CHD2: variants seen among roughly 807,000 people sequenced by gnomAD.
CHD2 encodes the protein chromodomain helicase DNA binding protein 2, also known as ATP-dependent chromatin remodeler CHD2.
In CHD2, 28 loss-of-function variants were observed where a neutral mutation model predicts 243.9. The observed-to-expected ratio is 0.11, with a 90% CI of 0.09 to 0.16. The LOEUF is 0.16. Ranked by LOEUF, CHD2 falls within the 10% of genes least tolerant of loss-of-function variation. CHD2 has a pLI of 1.00. For missense variants in CHD2, 1,386 were observed against 2,209.8 expected (o/e 0.63, Z 7.47); for synonymous variants, 775 against 779.0 (o/e 0.99, Z 0.09).
chr15:92,969,589 G>A (rs1177386962), intron 17 of CHD2, among the ~76,000 whole-genome samples: 2 of 152,178 alleles, frequency 1.3e-5, no homozygotes, highest in Admixed American at 6.5e-5. Context: ...GGCCCTAGGG[G>A]TGCTCTTTGC....
intron 38 of CHD2, 115 bp downstream of exon 38, chr15:93,020,373 T>C (rs1322236435): frequency 4.5e-6 from 6 of 1,328,194 alleles, no homozygotes; most frequent in East Asian, 2.4e-5. Flanking sequence ...GATCTCATCA[T>C]GCATGTGTCA....
intron 34 of CHD2, among the ~76,000 whole-genome samples, chr15:93,006,252 G>C (rs1434149215): frequency 6.6e-6 from 1 of 150,700 alleles, no homozygotes; most frequent in Admixed American, 6.7e-5. Context: ...TCAGCCTCCT[G>C]AGTAGCTGGG....
At chr15:92,935,022 T>C (rs1316714831) in intron 5 of CHD2, among the ~76,000 whole-genome samples, 4 of 150,474 alleles carry the variant, frequency 2.7e-5, no homozygotes, top group Admixed American at 1.4e-4. Context: ...TAAGTTTTTT[T>C]TTTCTTTCTT....
chr15:93,007,839 T>C (rs1250095797), intron 34 of CHD2, among the ~76,000 whole-genome samples: 2 of 152,268 alleles, frequency 1.3e-5, no homozygotes, highest in Admixed American at 6.5e-5. Flanking sequence ...GCTTCAACTT[T>C]GTTTCACATT....
In CHD2 at chr15:92,942,980, G is replaced by A; in HGVS notation, c.964G>A (p.Glu322Lys). The A allele has an allele frequency of 6.2e-7, 1 of 1,614,098 alleles. No homozygotes were observed. The highest frequency in any genetic ancestry group is 8.5e-7 in the Non-Finnish European group (1 of 1,179,978). ...KGWSYIHSTW[E>K]SEESLQQQKV... The stretch of plus-strand genomic sequence containing the variant: ...TTGGTCTTACATCCACAGCACATGG[G>A]AGAGTGAAGAATCCTTACAGCAACA... Residue 322 changes from glutamate (E) to lysine (K), a missense_variant, in exon 9 of 39, where the codon GAG becomes AAG. Glu to Lys is a moderately conservative substitution (Grantham distance 56). Around this residue, in one of 19 missense-constraint regions of CHD2, gnomAD observed 200 missense variants for 292.5 expected, o/e 0.68. Coordinates refer to ENST00000394196, the MANE Select transcript of CHD2 (RefSeq NM_001271.4).
chr15:92,904,497 A>T, intron 2 of CHD2: 1 of 990,374 alleles, frequency 1.0e-6, no homozygotes. Context: ...CGAGGGGAAA[A>T]GGAAGGGAAC....
At chr15:92,934,406 T>C (rs777257433) in intron 5 of CHD2, among the ~76,000 whole-genome samples, 11 of 134,240 alleles carry the variant, frequency 8.2e-5, no homozygotes, top group African/African-American at 1.5e-4. Flanking sequence ...AGTTGAATTA[T>C]GTGTTTTTAC....
intron 20 of CHD2, among the ~76,000 whole-genome samples, chr15:92,976,839 C>T (rs1203617451): frequency 6.6e-6 from 1 of 150,742 alleles, no homozygotes; most frequent in East Asian, 1.9e-4. Flanking sequence ...TTTGAGGCTG[C>T]AGTGAGCCAG....
intron 2 of CHD2, among the ~76,000 whole-genome samples, chr15:92,909,904 C>T (rs2052696583): frequency 6.6e-6 from 1 of 151,594 alleles, no homozygotes; most frequent in South Asian, 2.1e-4. Context: ...TTATTGAGTG[C>T]TTACTCTGGG....
chr15:93,026,093 A>G lies in CHD2; in HGVS notation c.*1388A>G, dbSNP rs934397357. ...GCAAGTTTGGTTGCATCAATTAAGC[A>G]GGCTCTTTTCAATTGACTGATGCTG... On this transcript the variant is annotated 3_prime_UTR_variant, in exon 39 of 39. Transcript: ENST00000394196. 2 of 152,670 alleles carry G rather than the reference A, an allele frequency of 1.3e-5. No individual in the cohort carries two copies. The highest frequency in any genetic ancestry group is 4.8e-5 in the African/African-American group (2 of 41,468). The allele number at this position is 152,670 out of a possible 1,614,324, so 9.5% of individuals were successfully genotyped here.
At chr15:92,940,785 AAATATATAAAT>A (rs2053350438) in intron 7 of CHD2, among the ~76,000 whole-genome samples, 1 of 130,832 alleles carries the variant, frequency 7.6e-6, no homozygotes, top group Non-Finnish European at 1.7e-5. Context: ...AAAATATAAA[AAATATATAAAT>A]ATATAAATAA....
chr15:92,908,747 G>A (rs761849780), intron 2 of CHD2, among the ~76,000 whole-genome samples: 2 of 152,156 alleles, frequency 1.3e-5, no homozygotes, highest in Admixed American at 6.5e-5. Flanking sequence ...GGATGCTGAC[G>A]GGGAATTGTA....
At position 92,999,653 on chromosome 15, in the gene CHD2, A is replaced by AT. The variant is rs760504638; in HGVS notation, c.4009-852dup. On this transcript the variant is annotated intron_variant, in intron 31 of 38. Transcript: ENST00000394196. ...AAAAAAACCCATAATACCACACCTCATTTTTTTCAAGTAATAGGGTCATAA... is the reference window on the plus strand; with the variant it reads ...AAAAAAACCCATAATACCACACCTCATTTTTTTTCAAGTAATAGGGTCATAA... 8.6e-5 allele frequency among the ~76,000 whole-genome samples: 13 copies of AT among 151,780 alleles called. No homozygotes were observed. In the South Asian group the frequency reaches 2.3e-3, roughly 27 times the overall value.
At chr15:92,950,215 G>A (rs918316700) in intron 13 of CHD2, among the ~76,000 whole-genome samples, 7 of 152,178 alleles carry the variant, frequency 4.6e-5, no homozygotes, top group African/African-American at 1.7e-4. Flanking sequence ...CAGCCACATA[G>A]GGCTTAACAA....
chr15:93,016,007 A>G (rs2054455669), intron 37 of CHD2, among the ~76,000 whole-genome samples: 1 of 152,242 alleles, frequency 6.6e-6, no homozygotes, highest in Non-Finnish European at 1.5e-5. Flanking sequence ...TTTACCAGGT[A>G]TATATTCAAC....
Position 92,999,083 on chromosome 15 carries a change from C to CAAAAAAAAAA in CHD2, c.4008+487_4008+496dup, listed in dbSNP as rs55738843. Among the ~76,000 whole-genome samples the CAAAAAAAAAA allele has an allele frequency of 2.1e-4, 14 of 65,526 alleles. 1 individual carries two copies. The highest frequency in any genetic ancestry group is 3.3e-4 in the African/African-American group (5 of 14,936). The allele number at this position is 65,526 out of a possible 152,430, so 43.0% of individuals were successfully genotyped here. ...TGGGCAACAGAGCGAGACTCCGTCT[C>CAAAAAAAAAA]AAAAAAAAAAAAAAAAAAAAAAAAA... is the stretch of plus-strand genomic sequence containing the variant. On this transcript the variant is annotated intron_variant, in intron 31 of 38. Coordinates refer to ENST00000394196, the MANE Select transcript of CHD2 (RefSeq NM_001271.4).
At position 92,925,531 on chromosome 15, in the gene CHD2, T is replaced by C. The variant is rs1160778099; in HGVS notation, c.294+979T>C. On this transcript the variant is annotated intron_variant, in intron 3 of 38. Coordinates refer to ENST00000394196, the MANE Select transcript of CHD2 (RefSeq NM_001271.4). ...ACTAGTTGATGTAGTAACACTGAAA[T>C]GATTTTGCCCTCCCAGTTAATAAGG... is the stretch of plus-strand genomic sequence containing the variant. 2.6e-5 allele frequency among the ~76,000 whole-genome samples: 4 copies of C among 152,332 alleles called. No individual in the cohort carries two copies. The South Asian group carries it at 6.2e-4, about 24-fold the overall frequency.
Position 92,946,027 on chromosome 15 carries a change from A to T in CHD2, c.1199-11A>T. The T allele has an allele frequency of 6.5e-7, 1 of 1,550,114 alleles. No individual in the cohort carries two copies. ...AGTTGCTAATCTATAAATTTTTTTT[A>T]TATGAAATAGCTCATAGTCGGAAGC... On this transcript the variant is annotated splice_polypyrimidine_tract_variant and intron_variant, in intron 11 of 38. Coordinates refer to ENST00000394196, the MANE Select transcript of CHD2 (RefSeq NM_001271.4).
chr15:92,985,379 A>C (rs1159273688), intron 25 of CHD2, 119 bp from the exon 26 acceptor site: 2 of 984,972 alleles, frequency 2.0e-6, no homozygotes, highest in Admixed American at 6.5e-5. Flanking sequence ...AGGAAAATTG[A>C]CTTGTCTGAT....
Sources: gnomAD v4.1 joint callset for allele counts (sites outside exome capture counted in the v4.1 genomes callset) on GRCh38, gnomAD v4.1.1 for gene constraint, gnomAD v4.1.1 regional missense constraint, MANE v1.5 for transcripts, NCBI Gene and HGNC (gene_info 2026-07-23, HGNC 2026-07-21) for gene names.